CCDC40: variants seen among roughly 807,000 people sequenced by gnomAD.
The protein encoded by CCDC40 is coiled-coil domain 40 molecular ruler complex subunit.
Under a neutral mutation model 124.5 loss-of-function variants are expected in CCDC40, and 104 were observed. The ratio of observed to expected loss-of-function variants is 0.84; its 90% CI spans 0.71 to 0.98. CCDC40 has a LOEUF of 0.98. Ranked by LOEUF, CCDC40 falls within the 50% of genes least tolerant of loss-of-function variation. The pLI is 0.00. For missense variants in CCDC40, 1,463 were observed against 1,503.9 expected, an observed-to-expected ratio of 0.97 and a Z score of 0.45; for synonymous variants, 580 against 602.9, an observed-to-expected ratio of 0.96 and a Z score of 0.56.
intron 10 of CCDC40, among the ~76,000 whole-genome samples, chr17:80,076,578 C>CA (rs55997385): frequency 0.63 from 76,300 of 120,698 alleles, 23,493 homozygotes; most frequent in Middle Eastern, 0.83. Context: ...GAGCCTGTCT[C>CA]AAAAAAAAAA....
At chr17:80,049,863 G>A (rs1436996285) in intron 5 of CCDC40, 43 bp from the exon 6 acceptor site, 1 of 1,577,936 alleles carries the variant, frequency 6.3e-7, no homozygotes, top group Non-Finnish European at 8.7e-7. Flanking sequence ...CGGGCAGGAG[G>A]GTAACCAGAA....
At position 80,087,492 on chromosome 17, in the gene CCDC40, T is replaced by C. The variant is rs1000437541; in HGVS notation, c.2450-115T>C. ...GCCAGGAACGACAAGAGGGAGGGGA[T>C]GAAGGGAGCTACAGGGAGAGACAAA... On this transcript the variant is annotated intron_variant, in intron 14 of 19. Transcript: ENST00000397545. This position sits in a 1 kb window ranked among gnomAD's most constrained non-coding sequence, Gnocchi z 4.5. 1.3e-5 allele frequency: 10 copies of C among 775,412 alleles called. No homozygotes were observed. The highest frequency in any genetic ancestry group is 2.0e-5 in the Non-Finnish European group (9 of 440,324). 48.0% of individuals were successfully genotyped at this position (775,412 alleles called of 1,614,324 possible). A position where few individuals can be genotyped will look rare whatever the true frequency, so the allele number is the denominator to read the frequency against.
rs1168752513 is a variant in CCDC40 at position 80,084,965 on chromosome 17, G to T, written c.2212G>T (p.Glu738Ter). 1.2e-6 allele frequency: 2 copies of T among 1,613,750 alleles called. No individual in the cohort carries two copies. Among genetic ancestry groups the T allele is most frequent in the Admixed American group, 3.3e-5 (2 of 59,998 alleles). Residue 738 changes from glutamate (E) to a stop codon, truncating the protein, a stop_gained, in exon 13 of 20, where the codon GAG (glutamate) becomes TAG (stop). Coordinates refer to ENST00000397545, the MANE Select transcript of CCDC40 (RefSeq NM_017950.4). LOFTEE classifies it high-confidence loss of function. The stretch of plus-strand genomic sequence containing the variant: ...CATCAACTTCCTCAACAAGCAGCTG[G>T]AGCGGATGGTCTCCGAGCTGGGGGT... ...GLINFLNKQL[E>*]RMVSELGGEE...
At chr17:80,054,187 C>T (rs575594954) in intron 7 of CCDC40, among the ~76,000 whole-genome samples, 4 of 152,092 alleles carry the variant, frequency 2.6e-5, no homozygotes, top group East Asian at 3.9e-4. Flanking sequence ...AAACCTTACA[C>T]ACTGCTGGCT....
intron 1 of CCDC40, among the ~76,000 whole-genome samples, chr17:80,037,688 A>AAAAAAAAATATAT: frequency 4.4e-5 from 2 of 45,676 alleles, no homozygotes; most frequent in African/African-American, 1.2e-4. Flanking sequence ...TTTTTTAAAA[A>AAAAAAAAATATAT]AGATATACAT....
rs138423168 is a variant in CCDC40, at chr17:80,066,141, C to T, written c.1562+535C>T. On this transcript the variant is annotated intron_variant, in intron 10 of 19. Transcript: ENST00000397545. This position sits in a 1 kb window ranked among gnomAD's most constrained non-coding sequence, Gnocchi z 4.4. ...AAAACCACCCAGGGTGACCAGGTCT[C>T]GGGACGCGGAAAGAAAAAGCCGGGC... 300 of 702,944 alleles carry T rather than the reference C, an allele frequency of 4.3e-4. No homozygotes were observed. The African/African-American group carries it at 4.6e-3, about 11-fold the overall frequency. The allele number at this position is 702,944 out of a possible 1,614,324, so 43.5% of individuals were successfully genotyped here.
intron 10 of CCDC40, among the ~76,000 whole-genome samples, chr17:80,078,804 G>GA (rs544267688): frequency 4.6e-5 from 7 of 152,102 alleles, no homozygotes; most frequent in East Asian, 1.9e-4. Flanking sequence ...AATTTCTGGG[G>GA]AAAAAATGCC....
Position 80,087,299 on chromosome 17 carries a change from A to T in CCDC40, c.2450-308A>T. The T allele has an allele frequency of 2.2e-6, 1 of 450,052 alleles. No individual in the cohort carries two copies. Among genetic ancestry groups the T allele is most frequent in the Admixed American group, 3.4e-5 (1 of 29,312 alleles). 27.9% of individuals were successfully genotyped at this position (450,052 alleles called of 1,614,324 possible). ...CCACAGATTTGCAAGTGTCTGGGGGAGGGAGCCTGGCCCTCCCACACGCCC... is the reference window on the plus strand; with the variant it reads ...CCACAGATTTGCAAGTGTCTGGGGGTGGGAGCCTGGCCCTCCCACACGCCC... On this transcript the variant is annotated intron_variant, in intron 14 of 19. Coordinates refer to ENST00000397545, the MANE Select transcript of CCDC40 (RefSeq NM_017950.4). This position sits in a 1 kb window ranked among gnomAD's most constrained non-coding sequence, Gnocchi z 4.5.
intron 4 of CCDC40, chr17:80,048,337 C>G: frequency 1.8e-6 from 1 of 560,394 alleles, no homozygotes; most frequent in Non-Finnish European, 3.2e-6. Flanking sequence ...AAGAAAGCCT[C>G]TCAAAAATAA....
chr17:80,096,854 C>CG (rs1236804908), intron 18 of CCDC40, among the ~76,000 whole-genome samples: 2 of 152,244 alleles, frequency 1.3e-5, no homozygotes. Flanking sequence ...GCCCCAGCCT[C>CG]GCTCCTCCCT....
In CCDC40 at chr17:80,087,114, A is replaced by G; in HGVS notation, c.2450-493A>G. The G allele has an allele frequency of 4.6e-6, 1 of 218,742 alleles. No homozygotes were observed. Among genetic ancestry groups the G allele is most frequent in the East Asian group, 1.0e-4 (1 of 9,542 alleles). The allele number at this position is 218,742 out of a possible 1,614,324, so 13.6% of individuals were successfully genotyped here. A position where few individuals can be genotyped will look rare whatever the true frequency, so the allele number is the denominator to read the frequency against. Reference sequence around the variant, plus strand: ...CCCTGTGAGGAGTGGCCAGCGGATGAACCAGCTGTGGCCTCTTGTGCCCTC... The same window carrying G: ...CCCTGTGAGGAGTGGCCAGCGGATGGACCAGCTGTGGCCTCTTGTGCCCTC... On this transcript the variant is annotated intron_variant, in intron 14 of 19. Transcript: ENST00000397545. The surrounding 1 kb of genome is among the most constrained non-coding windows in gnomAD (Gnocchi z 4.5).
chr17:80,090,620 C>A (rs2143765971), intron 17 of CCDC40: 5 of 1,468,692 alleles, frequency 3.4e-6, no homozygotes, highest in South Asian at 1.4e-5. Context: ...CAGTCTCACA[C>A]CACAGAAGGG....
chr17:80,064,433 C>G lies in CCDC40; in HGVS notation c.1441-1052C>G, dbSNP rs74941709. On this transcript the variant is annotated intron_variant, in intron 9 of 19. Coordinates refer to ENST00000397545, the MANE Select transcript of CCDC40 (RefSeq NM_017950.4). ...CAAGAATCCCAAACACCACTCAAAACAAGACCGCGATCCAGGCCGTGCTGG... is the reference window on the plus strand; with the variant it reads ...CAAGAATCCCAAACACCACTCAAAAGAAGACCGCGATCCAGGCCGTGCTGG... 8.6e-3 allele frequency among the ~76,000 whole-genome samples: 1,307 copies of G among 152,238 alleles called. 94 individuals carry two copies. In the East Asian group the frequency reaches 0.19, roughly 22 times the overall value.
Position 80,050,208 on chromosome 17 carries a change from A to G in CCDC40, c.1084A>G (p.Lys362Glu). Residue 362 changes from lysine to glutamate, a missense_variant, in exon 7 of 20, where the codon AAG (lysine) becomes GAG (glutamate). Transcript: ENST00000397545. ...HAMASSERRQ[K>E]EEELQAARAL... is the part of the protein sequence containing the mutation. ...AATGGCCTCGAGCGAGCGCAGGCAG[A>G]AGGAGGAGGAGCTGCAGGCCGCCCG... 3 of 1,610,252 alleles carry G rather than the reference A, an allele frequency of 1.9e-6. No individual in the cohort carries two copies. Among genetic ancestry groups the G allele is most frequent in the South Asian group, 2.2e-5 (2 of 90,688 alleles).
chr17:80,049,929 T>G lies in CCDC40; in HGVS notation c.879T>G (p.Ala293=). The G allele has an allele frequency of 6.2e-7, 1 of 1,614,084 alleles. No homozygotes were observed. The highest frequency in any genetic ancestry group is 8.5e-7 in the Non-Finnish European group (1 of 1,180,002). The change falls in exon 6 of 20, where the codon GCT becomes GCG. Residue 293 remains alanine, a synonymous_variant. Coordinates refer to ENST00000397545, the MANE Select transcript of CCDC40 (RefSeq NM_017950.4). The part of the protein sequence containing the change: ...PDHPLMVRFQ[A]ALKNYLNRQI... ...AGCCCCTGATGGTAAGATTCCAGGC[T>G]GCCCTGAAGAACTACCTGAACCGAC... is the stretch of plus-strand genomic sequence containing the variant.
chr17:80,055,424 A>G (rs1341668333), intron 7 of CCDC40, among the ~76,000 whole-genome samples: 1 of 152,272 alleles, frequency 6.6e-6, no homozygotes, highest in Non-Finnish European at 1.5e-5. Context: ...AAGCTCATTC[A>G]TAATAGCTAT....
chr17:80,097,268 C>T lies in CCDC40; in HGVS notation c.3045C>T (p.Thr1015=), dbSNP rs1474341938. ...AGGCCACCGATGAGTGCACCAAAACCGTCCTGGAACTGGAAGAAACACAAA... is the reference window on the plus strand; with the variant it reads ...AGGCCACCGATGAGTGCACCAAAACTGTCCTGGAACTGGAAGAAACACAAA... The part of the protein sequence containing the change: ...VRKATDECTK[T]VLELEETQRN... The change falls in exon 19 of 20, where the codon ACC becomes ACT. Residue 1015 remains threonine, a synonymous_variant. Transcript: ENST00000397545. The T allele has an allele frequency of 5.6e-6, 9 of 1,613,848 alleles. No homozygotes were observed. Among genetic ancestry groups the T allele is most frequent in the Admixed American group, 3.3e-5 (2 of 60,012 alleles).
chr17:80,077,262 C>T (rs1487343458), intron 10 of CCDC40, among the ~76,000 whole-genome samples: 3 of 152,158 alleles, frequency 2.0e-5, no homozygotes, highest in Non-Finnish European at 2.9e-5. Flanking sequence ...TGGTGGCTCA[C>T]ACCTGTAATC....
At chr17:80,083,101 C>T (rs1399179409) in intron 12 of CCDC40, among the ~76,000 whole-genome samples, 2 of 148,556 alleles carry the variant, frequency 1.3e-5, no homozygotes, top group African/African-American at 2.5e-5. Flanking sequence ...TAGGGGGAGC[C>T]AGGGTGGGCT....
Sources: allele counts gnomAD v4.1 joint callset (sites outside exome capture counted in the v4.1 genomes callset), GRCh38; gene constraint gnomAD v4.1.1; non-coding constraint Gnocchi (gnomAD v3.1); transcripts MANE v1.5; gene names NCBI Gene and HGNC (gene_info 2026-07-23, HGNC 2026-07-21).